RAB38: variants seen among roughly 807,000 people sequenced by gnomAD.
RAB38 encodes ras-related protein Rab-38.
A neutral mutation model predicts 18.4 loss-of-function variants in RAB38; 15 were observed. The observed-to-expected ratio is 0.82, with a 90% CI of 0.55 to 1.26. The LOEUF (loss-of-function observed/expected upper bound fraction) is 1.26, where lower values mean the gene tolerates loss of function less well. RAB38 is among the 50% of genes most tolerant of loss of function. The probability of loss-of-function intolerance (pLI) is 0.00; values close to 1 mark genes in which losing one functional copy is unlikely to be tolerated. For synonymous variants in RAB38, 101 were observed against 104.4 expected, an observed-to-expected ratio of 0.97 and a Z score of 0.20; for missense variants, 294 against 267.4, an observed-to-expected ratio of 1.10 and a Z score of -0.69.
intron 2 of RAB38, among the ~76,000 whole-genome samples, chr11:88,128,263 C>A (rs761435376): frequency 6.6e-6 from 1 of 152,010 alleles, no homozygotes; most frequent in Non-Finnish European, 1.5e-5. Flanking sequence ...CCCTTTTTTC[C>A]AGATAGAATT....
At chr11:88,057,698 A>G in the RAB38 span, among the ~76,000 whole-genome samples, 2 of 152,172 alleles carry the variant, frequency 1.3e-5, 1 homozygote, top group Admixed American at 1.3e-4. Context: ...TACAATTTTT[A>G]AAAACTATGT....
At chr11:87,846,348 G>C in the RAB38 span, among the ~76,000 whole-genome samples, 1 of 151,960 alleles carries the variant, frequency 6.6e-6, no homozygotes, top group Non-Finnish European at 1.5e-5. Context: ...TGCTACAAGA[G>C]CTAAACTTAA....
At chr11:87,959,537 A>C in the RAB38 span, among the ~76,000 whole-genome samples, 4 of 152,234 alleles carry the variant, frequency 2.6e-5, no homozygotes, top group South Asian at 8.3e-4. Context: ...ATAAGTATCT[A>C]TTTTACTAGC....
At chr11:88,158,720 C>T (rs1164251104) in intron 1 of RAB38, among the ~76,000 whole-genome samples, 1 of 152,038 alleles carries the variant, frequency 6.6e-6, no homozygotes, top group East Asian at 1.9e-4. Context: ...TCCAACATCC[C>T]TTCATAATAA....
chr11:88,175,185 G>A lies in RAB38; in HGVS notation c.200C>T (p.Ala67Val). 6.2e-7 allele frequency: 1 copy of A among 1,604,024 alleles called. No individual in the cohort carries two copies. Among genetic ancestry groups the A allele is most frequent in the Non-Finnish European group, 8.5e-7 (1 of 1,174,554 alleles). Residue 67 changes from alanine (A) to valine (V), a missense_variant and splice_region_variant, in exon 1 of 3, where the codon GCA (alanine) becomes GTA (valine). Physicochemically the swap from Ala to Val is moderately conservative, Grantham distance 64. Transcript: ENST00000243662. ...TGACCCCCTCCCCCCGCGCTCACCT[G>A]CGATATCCCAGAGCTGCAGGCGCAC... The part of the protein sequence containing the change: ...TVVRLQLWDI[A>V]GQERFGNMTR...
At chr11:87,916,143 A>G in the RAB38 span, among the ~76,000 whole-genome samples, 1 of 152,114 alleles carries the variant, frequency 6.6e-6, no homozygotes, top group Non-Finnish European at 1.5e-5. Flanking sequence ...TTTGGTGCTA[A>G]CACAAATTAG....
At chr11:88,095,579 A>G in the RAB38 span, among the ~76,000 whole-genome samples, 16 of 151,822 alleles carry the variant, frequency 1.1e-4, no homozygotes, top group Middle Eastern at 6.8e-3. Flanking sequence ...CAATCCTTGA[A>G]TTCTTTCTTC....
At chr11:87,926,802 G>A in the RAB38 span, among the ~76,000 whole-genome samples, 4 of 151,988 alleles carry the variant, frequency 2.6e-5, no homozygotes, top group African/African-American at 9.7e-5. Flanking sequence ...GAAGATGACC[G>A]CAGCACTGAG....
chr11:87,956,983 T>TTTG, the RAB38 span, among the ~76,000 whole-genome samples: 3 of 149,080 alleles, frequency 2.0e-5, no homozygotes, highest in South Asian at 4.3e-4. Flanking sequence ...TGCAGTTTTT[T>TTTG]GGGGGGGGGT....
chr11:88,041,028 T>C, the RAB38 span, among the ~76,000 whole-genome samples: 1 of 152,230 alleles, frequency 6.6e-6, no homozygotes, highest in Non-Finnish European at 1.5e-5. Context: ...GGATTCCCTG[T>C]GTGTTCCTCT....
the RAB38 span, among the ~76,000 whole-genome samples, chr11:87,825,992 A>G: frequency 5.9e-5 from 9 of 152,268 alleles, no homozygotes; most frequent in East Asian, 1.3e-3. Flanking sequence ...ATTGTATAAT[A>G]TAACTGTTTT....
At chr11:87,873,100 C>G in the RAB38 span, among the ~76,000 whole-genome samples, 2 of 151,580 alleles carry the variant, frequency 1.3e-5, no homozygotes, top group African/African-American at 4.8e-5. Flanking sequence ...CCTCCACATT[C>G]TCATTAGCAC....
chr11:88,150,753 T>C (rs2134828565), intron 1 of RAB38, among the ~76,000 whole-genome samples: 1 of 152,330 alleles, frequency 6.6e-6, no homozygotes, highest in East Asian at 1.9e-4. Context: ...CCTGAGCTGT[T>C]TGAATCTAGG....
intron 2 of RAB38, among the ~76,000 whole-genome samples, chr11:88,123,154 C>T (rs1338593222): frequency 6.6e-6 from 1 of 152,180 alleles, no homozygotes; most frequent in Non-Finnish European, 1.5e-5. Context: ...GGAAATCCCC[C>T]CTGACTCCCC....
the RAB38 span, among the ~76,000 whole-genome samples, chr11:87,905,559 A>G: frequency 5.3e-5 from 8 of 151,868 alleles, no homozygotes; most frequent in Admixed American, 1.3e-4. Flanking sequence ...TTACATTTGG[A>G]CTAGAGTAGC....
chr11:87,814,252 A>G, the RAB38 span, among the ~76,000 whole-genome samples: 8 of 152,322 alleles, frequency 5.3e-5, no homozygotes, highest in African/African-American at 1.7e-4. Context: ...TAACTTGTCT[A>G]TAATGTGCTA....
At chr11:87,827,725 G>T in the RAB38 span, among the ~76,000 whole-genome samples, 14 of 152,136 alleles carry the variant, frequency 9.2e-5, no homozygotes, top group African/African-American at 3.4e-4. Context: ...TTCACCTGGA[G>T]ACCAGAATTA....
the RAB38 span, among the ~76,000 whole-genome samples, chr11:87,944,334 A>G: frequency 6.6e-6 from 1 of 152,180 alleles, no homozygotes; most frequent in Non-Finnish European, 1.5e-5. Flanking sequence ...AATAAAATGA[A>G]GCACGTTTGT....
chr11:88,053,719 G>A, the RAB38 span, among the ~76,000 whole-genome samples: 2 of 151,604 alleles, frequency 1.3e-5, no homozygotes, highest in South Asian at 2.1e-4. Context: ...GCCTTGATAC[G>A]CAGTGACTTG....
Sources: allele counts gnomAD v4.1 joint callset (sites outside exome capture counted in the v4.1 genomes callset), GRCh38; gene constraint gnomAD v4.1.1; transcripts MANE v1.5; gene names NCBI Gene and HGNC (gene_info 2026-07-23, HGNC 2026-07-21).